Variants in MAPKAP1 observed in about 807,000 individuals in gnomAD.
MAPKAP1 encodes the protein target of rapamycin complex 2 subunit MAPKAP1.
A neutral mutation model predicts 65.7 loss-of-function variants in MAPKAP1; 20 were observed. The ratio of observed to expected loss-of-function variants is 0.30; its 90% CI spans 0.21 to 0.44. The LOEUF is 0.44. MAPKAP1 is among the 20% of genes least tolerant of loss of function. The probability of loss-of-function intolerance (pLI) is 1.00; values close to 1 mark genes in which losing one functional copy is unlikely to be tolerated. For missense variants in MAPKAP1, 423 were observed against 648.0 expected (o/e 0.65, Z 3.77); for synonymous variants, 222 against 244.3 (o/e 0.91, Z 0.85).
At chr9:125,457,657 C>T (rs1853239481) in intron 10 of MAPKAP1, among the ~76,000 whole-genome samples, 1 of 152,218 alleles carries the variant, frequency 6.6e-6, no homozygotes, top group African/African-American at 2.4e-5. Flanking sequence ...CAGTTTGATC[C>T]TTTCAAGATT....
At chr9:125,561,020 C>G (rs1830877894) in intron 5 of MAPKAP1, among the ~76,000 whole-genome samples, 2 of 152,230 alleles carry the variant, frequency 1.3e-5, no homozygotes, top group African/African-American at 4.8e-5. Flanking sequence ...GCTTCAGAAG[C>G]AGGAACCCAA....
intron 4 of MAPKAP1, among the ~76,000 whole-genome samples, chr9:125,626,778 TA>T (rs1833131724): frequency 6.6e-6 from 1 of 152,258 alleles, no homozygotes; most frequent in Non-Finnish European, 1.5e-5. Flanking sequence ...TTTATTCATC[TA>T]ACTCTCAAGG....
At chr9:125,518,391 A>G (rs888027574) in intron 7 of MAPKAP1, among the ~76,000 whole-genome samples, 1 of 149,788 alleles carries the variant, frequency 6.7e-6, no homozygotes, top group Non-Finnish European at 1.5e-5. Flanking sequence ...GTAATCCCAC[A>G]TTACATCTGT....
rs373010666 is a variant in MAPKAP1 at position 125,546,231 on chromosome 9, C to T, written c.849-3063G>A. 1.7e-3 allele frequency among the ~76,000 whole-genome samples: 266 copies of T among 152,254 alleles called. 1 individual carries two copies. The highest frequency in any genetic ancestry group is 2.4e-3 in the Admixed American group (36 of 15,298). On this transcript the variant is annotated intron_variant, in intron 6 of 11. Coordinates refer to ENST00000265960, the MANE Select transcript of MAPKAP1 (RefSeq NM_001006617.3). Reference sequence around the variant, plus strand: ...GTATCTTACTCTGGGGCTCCATTTCCGTAAAAACGTGCACGTTAAAAGGAG... The same window carrying T: ...GTATCTTACTCTGGGGCTCCATTTCTGTAAAAACGTGCACGTTAAAAGGAG...
At chr9:125,572,182 A>T (rs909857084) in intron 5 of MAPKAP1, among the ~76,000 whole-genome samples, 1 of 152,188 alleles carries the variant, frequency 6.6e-6, no homozygotes, top group Non-Finnish European at 1.5e-5. Context: ...AAGGTTTCTG[A>T]CCTGTGATAA....
chr9:125,636,724 C>CAT (rs1833435441), intron 4 of MAPKAP1, among the ~76,000 whole-genome samples: 1 of 152,228 alleles, frequency 6.6e-6, no homozygotes, highest in South Asian at 2.1e-4. Flanking sequence ...CATTTGCTTA[C>CAT]ATATGATCTG....
chr9:125,443,828 G>A (rs536826599), intron 11 of MAPKAP1, among the ~76,000 whole-genome samples: 2 of 151,978 alleles, frequency 1.3e-5, no homozygotes, highest in East Asian at 1.9e-4. Flanking sequence ...ATCCTTCAGG[G>A]TTCAGCTCTC....
At chr9:125,533,632 G>A (rs1829995415) in intron 7 of MAPKAP1, among the ~76,000 whole-genome samples, 1 of 152,062 alleles carries the variant, frequency 6.6e-6, no homozygotes, top group Non-Finnish European at 1.5e-5. Context: ...TGTATTTTTA[G>A]TAGAGACGAG....
chr9:125,596,313 G>C (rs1193943586), intron 4 of MAPKAP1: 3 of 760,074 alleles, frequency 3.9e-6, no homozygotes, highest in African/African-American at 3.4e-5. Context: ...TGACAACTTT[G>C]GTCATGGAGG....
chr9:125,531,050 C>CGTT (rs1259977984), intron 7 of MAPKAP1, among the ~76,000 whole-genome samples: 1 of 152,216 alleles, frequency 6.6e-6, no homozygotes, highest in East Asian at 1.9e-4. Flanking sequence ...AACTTCACAG[C>CGTT]TTGTAAAAGG....
chr9:125,543,542 C>T (rs1464159961), intron 6 of MAPKAP1, among the ~76,000 whole-genome samples: 1 of 151,926 alleles, frequency 6.6e-6, no homozygotes, highest in Non-Finnish European at 1.5e-5. Context: ...TCCCAAAGTG[C>T]TGGGATTACA....
intron 1 of MAPKAP1, among the ~76,000 whole-genome samples, chr9:125,703,526 C>T (rs546079823): frequency 6.6e-6 from 1 of 152,278 alleles, no homozygotes; most frequent in African/African-American, 2.4e-5. Flanking sequence ...AATCCCAGCA[C>T]TTTGAGAGCC....
chr9:125,662,767 TATA>T (rs1239304617), intron 3 of MAPKAP1, among the ~76,000 whole-genome samples: 1 of 151,928 alleles, frequency 6.6e-6, no homozygotes, highest in South Asian at 2.1e-4. Flanking sequence ...AACATTTCTT[TATA>T]ATAATTAACA....
At chr9:125,612,404 AGTTTT>A (rs1163918249) in intron 4 of MAPKAP1, among the ~76,000 whole-genome samples, 1 of 151,820 alleles carries the variant, frequency 6.6e-6, no homozygotes, top group Non-Finnish European at 1.5e-5. Flanking sequence ...AAATTCTTTT[AGTTTT>A]TTTTTAAATT....
intron 11 of MAPKAP1, among the ~76,000 whole-genome samples, chr9:125,441,381 T>G (rs1852475959): frequency 1.3e-5 from 2 of 152,202 alleles, no homozygotes; most frequent in South Asian, 4.1e-4. Flanking sequence ...CTCTGTGACC[T>G]TGGGCCTCCA....
intron 6 of MAPKAP1, among the ~76,000 whole-genome samples, chr9:125,555,893 C>A (rs1484327044): frequency 3.3e-5 from 5 of 152,174 alleles, no homozygotes; most frequent in Admixed American, 6.5e-5. Context: ...AAACACTACC[C>A]CTCCTCTGCT....
At position 125,509,599 on chromosome 9, in the gene MAPKAP1, G is replaced by C. The variant is rs576748726; in HGVS notation, c.959-3182C>G. Among the ~76,000 whole-genome samples the C allele has an allele frequency of 7.9e-5, 12 of 152,218 alleles. No homozygotes were observed. The South Asian group carries it at 2.5e-3, about 32-fold the overall frequency. On this transcript the variant is annotated intron_variant, in intron 7 of 11. Transcript: ENST00000265960. ...AAAGCAGACACGATCTGTTTATGTA[G>C]ACATATTTTCATGTGAAGCAACCGT... is the stretch of plus-strand genomic sequence containing the variant.
At chr9:125,664,929 GAA>G (rs1834297788) in intron 3 of MAPKAP1, among the ~76,000 whole-genome samples, 1 of 151,966 alleles carries the variant, frequency 6.6e-6, no homozygotes, top group Non-Finnish European at 1.5e-5. Context: ...AGTAACTTGG[GAA>G]AGTTATTTGG....
intron 7 of MAPKAP1, among the ~76,000 whole-genome samples, chr9:125,535,843 AGT>A (rs59246270): frequency 6.6e-6 from 1 of 151,946 alleles, no homozygotes. Context: ...CTGACTTCTA[AGT>A]GTGTGTGTGT....
Sources: gnomAD v4.1 joint callset for allele counts (sites outside exome capture counted in the v4.1 genomes callset) on GRCh38, gnomAD v4.1.1 for gene constraint, MANE v1.5 for transcripts, NCBI Gene and HGNC (gene_info 2026-07-23, HGNC 2026-07-21) for gene names.